NRDC: variants seen among roughly 807,000 people sequenced by gnomAD.
NRDC encodes nardilysin convertase, also known as nardilysin.
In NRDC, 54 loss-of-function variants were observed where a neutral mutation model predicts 147.1. The observed-to-expected ratio is 0.37, with a 90% confidence interval of 0.29 to 0.46. NRDC has a LOEUF of 0.46. Among genes scored for constraint, NRDC ranks in the 20% least tolerant of loss-of-function variants. The pLI is 1.00. For synonymous variants in NRDC, 440 were observed against 482.1 expected (o/e 0.91, Z 1.14); for missense variants, 1,082 against 1,370.6 (o/e 0.79, Z 3.33).
intron 16 of NRDC, among the ~76,000 whole-genome samples, chr1:51,809,720 A>C (rs1022618865): frequency 1.1e-4 from 16 of 152,094 alleles, no homozygotes; most frequent in Non-Finnish European, 1.9e-4. Flanking sequence ...AACATGGTGA[A>C]ACCCCAGACA....
intron 1 of NRDC, among the ~76,000 whole-genome samples, chr1:51,858,799 G>A (rs906458577): frequency 6.6e-5 from 10 of 152,008 alleles, no homozygotes; most frequent in African/African-American, 2.4e-4. Flanking sequence ...TACCTTCCTG[G>A]CATTTAACTG....
At chr1:51,821,599 A>G (rs1193746937) in intron 7 of NRDC, 44 bp from the exon 8 acceptor site, 12 of 1,281,174 alleles carry the variant, frequency 9.4e-6, no homozygotes, top group African/African-American at 1.5e-5. Flanking sequence ...ATGCAATGAC[A>G]TTATTCAAGG....
At chr1:51,820,076 CAA>C (rs1466028258) in intron 8 of NRDC, among the ~76,000 whole-genome samples, 1 of 152,132 alleles carries the variant, frequency 6.6e-6, no homozygotes, top group African/African-American at 2.4e-5. Context: ...CCCAATAACT[CAA>C]AAGTCTTTAC....
chr1:51,838,268 A>AC (rs1355087336), intron 2 of NRDC, among the ~76,000 whole-genome samples: 1 of 152,164 alleles, frequency 6.6e-6, no homozygotes, highest in African/African-American at 2.4e-5. Flanking sequence ...CTAGACTCTG[A>AC]CCCTGCTGCT....
chr1:51,806,751 C>T lies in NRDC; in HGVS notation c.2110+43G>A, dbSNP rs373547401. 6.4e-6 allele frequency: 10 copies of T among 1,572,114 alleles called. No homozygotes were observed. The East Asian group carries it at 6.7e-5, about 11-fold the overall frequency. On this transcript the variant is annotated intron_variant, in intron 18 of 30. Coordinates refer to ENST00000352171, the MANE Select transcript of NRDC (RefSeq NM_001101662.2). ...TGTGAAACAGAGCATCTAAAGAGAA[C>T]ACTGGAATTCAGCAGGGAAGTAACA...
rs752008527 is a variant in NRDC, at chr1:51,836,123, A to G, written c.712+8T>C. ...ACACACCAGGAATGATATTTTACAA[A>G]TTCTTACTGTGCTCCAAAAAGTGTG... On this transcript the variant is annotated splice_region_variant and intron_variant, in intron 3 of 30. Coordinates refer to ENST00000352171, the MANE Select transcript of NRDC (RefSeq NM_001101662.2). 3 of 1,612,590 alleles carry G rather than the reference A, an allele frequency of 1.9e-6. No individual in the cohort carries two copies. Among genetic ancestry groups the G allele is most frequent in the Non-Finnish European group, 2.5e-6 (3 of 1,178,818 alleles).
chr1:51,867,602 T>C (rs561889266), intron 1 of NRDC, among the ~76,000 whole-genome samples: 1 of 152,320 alleles, frequency 6.6e-6, no homozygotes, highest in African/African-American at 2.4e-5. Flanking sequence ...AAGAGAACTA[T>C]GAACAGTGGT....
intron 3 of NRDC, among the ~76,000 whole-genome samples, chr1:51,835,098 G>A (rs903079686): frequency 3.3e-5 from 5 of 152,054 alleles, no homozygotes; most frequent in East Asian, 3.9e-4. Flanking sequence ...GTCTCGCTCC[G>A]TCACCCAGGT....
rs543459867 is a variant in NRDC, at chr1:51,858,471, T to C, written c.342-17957A>G. On this transcript the variant is annotated intron_variant, in intron 1 of 30. Coordinates refer to ENST00000352171, the MANE Select transcript of NRDC (RefSeq NM_001101662.2). ...ATTACACAGAGGGAAACCCTGTCTT[T>C]AAAAAAAAAAAAAAAAAAGGCAAAT... Among the ~76,000 whole-genome samples the C allele has an allele frequency of 1.6e-4, 20 of 122,032 alleles. No individual in the cohort carries two copies. In the South Asian group the frequency reaches 4.6e-3, roughly 28 times the overall value. 80.1% of individuals were successfully genotyped at this position (122,032 alleles called of 152,430 possible). A position where few individuals can be genotyped will look rare whatever the true frequency, so the allele number is the denominator to read the frequency against.
At position 51,814,735 on chromosome 1, in the gene NRDC, A is replaced by G; in HGVS notation, c.1518T>C (p.Ile506=). The G allele has an allele frequency of 6.2e-7, 1 of 1,611,908 alleles. No individual in the cohort carries two copies. The highest frequency in any genetic ancestry group is 8.5e-7 in the Non-Finnish European group (1 of 1,179,284). The part of the protein sequence containing the change: ...EQNSTYSVFS[I]SITLTDEGYE... Reference sequence around the variant, plus strand: ...AACCCTCATCAGTCAATGTAATAGAAATGCTGAACACTGAATAAGTAGAAT... The same window carrying G: ...AACCCTCATCAGTCAATGTAATAGAGATGCTGAACACTGAATAAGTAGAAT... Residue 506 remains isoleucine, a synonymous_variant, in exon 12 of 31, where the codon ATT becomes ATC. Transcript: ENST00000352171.
chr1:51,792,495 T>C, intron 24 of NRDC, 71 bp from the exon 25 acceptor site: 3 of 1,413,274 alleles, frequency 2.1e-6, no homozygotes, highest in Non-Finnish European at 3.0e-6. Flanking sequence ...ATCCAGCTAT[T>C]CTAGGCAACC....
At chr1:51,794,650 A>C in intron 23 of NRDC, 40 bp from the exon 24 acceptor site, 1 of 1,608,662 alleles carries the variant, frequency 6.2e-7, no homozygotes, top group Middle Eastern at 1.7e-4. Context: ...GCACCCAAAA[A>C]CTATAAGAAG....
At chr1:51,868,114 T>C (rs1242594070) in intron 1 of NRDC, among the ~76,000 whole-genome samples, 1 of 152,170 alleles carries the variant, frequency 6.6e-6, no homozygotes, top group African/African-American at 2.4e-5. Flanking sequence ...ATTCATTTAT[T>C]ACTAACAGAA....
chr1:51,796,519 C>T (rs1030664904), intron 22 of NRDC, among the ~76,000 whole-genome samples: 3 of 151,916 alleles, frequency 2.0e-5, no homozygotes, highest in African/African-American at 7.3e-5. Context: ...GGATTACAGG[C>T]GTGGGCCGCC....
intron 1 of NRDC, among the ~76,000 whole-genome samples, chr1:51,845,827 T>C (rs1377393876): frequency 1.3e-5 from 2 of 152,150 alleles, no homozygotes; most frequent in Non-Finnish European, 2.9e-5. Context: ...ACCAGGCATA[T>C]ATATACCAAA....
chr1:51,839,923 A>G (rs1186273120), intron 2 of NRDC: 1 of 192,348 alleles, frequency 5.2e-6, no homozygotes, highest in African/African-American at 2.3e-5. Context: ...TTTAAAACAT[A>G]TAATGTATAC....
At chr1:51,846,238 G>C (rs764473753) in intron 1 of NRDC, among the ~76,000 whole-genome samples, 11 of 151,814 alleles carry the variant, frequency 7.2e-5, no homozygotes, top group Non-Finnish European at 1.2e-4. Context: ...TTAAGCTCCC[G>C]GGTAGCTGGG....
In NRDC at chr1:51,789,230, G is replaced by GTTTA. The variant is rs145797520; in HGVS notation, c.*2_*5dup. ...ATTGCTTCAGGCCAACGTGACTGCA[G>GTTTA]TTTATTTATTTGACTATTTTATGGT... On this transcript the variant is annotated 3_prime_UTR_variant, in exon 31 of 31. Coordinates refer to ENST00000352171, the MANE Select transcript of NRDC (RefSeq NM_001101662.2). 6.2e-6 allele frequency: 10 copies of GTTTA among 1,613,040 alleles called. No individual in the cohort carries two copies. The African/African-American group carries it at 6.7e-5, about 11-fold the overall frequency.
intron 20 of NRDC, 114 bp from the exon 21 acceptor site, chr1:51,800,797 G>C (rs562393485): frequency 1.9e-5 from 19 of 1,003,992 alleles, no homozygotes; most frequent in African/African-American, 3.2e-5. Context: ...TAGGCATTGT[G>C]GGGGGACATA....
Sources: gnomAD v4.1 joint callset for allele counts (sites outside exome capture counted in the v4.1 genomes callset) on GRCh38, gnomAD v4.1.1 for gene constraint, MANE v1.5 for transcripts, NCBI Gene and HGNC (gene_info 2026-07-23, HGNC 2026-07-21) for gene names.